LRRC71: variants seen among roughly 807,000 people sequenced by gnomAD.
The protein encoded by LRRC71 is leucine-rich repeat-containing protein 71.
Under a neutral mutation model 66.6 loss-of-function variants are expected in LRRC71, and 54 were observed. That is an observed-to-expected ratio of 0.81 (90% confidence interval 0.65 to 1.02). LRRC71 has a LOEUF of 1.02. Ranked by LOEUF, LRRC71 falls within the 50% of genes least tolerant of loss-of-function variation. The probability of loss-of-function intolerance (pLI) is 0.00; values close to 1 mark genes in which losing one functional copy is unlikely to be tolerated. For synonymous variants in LRRC71, 323 were observed against 303.9 expected (o/e 1.06, Z -0.65); for missense variants, 724 against 718.0 (o/e 1.01, Z -0.10).
At chr1:156,923,460 T>C (rs987535510) in intron 1 of LRRC71, among the ~76,000 whole-genome samples, 1 of 152,222 alleles carries the variant, frequency 6.6e-6, no homozygotes, top group Non-Finnish European at 1.5e-5. Flanking sequence ...ATAAACACAC[T>C]GGACAGGGGA....
the LRRC71 span, chr1:156,940,223 G>A: frequency 1.3e-5 from 21 of 1,589,378 alleles, no homozygotes; most frequent in Non-Finnish European, 1.6e-5. Flanking sequence ...CCAGAGCGGA[G>A]TCAGCGAGCC....
At position 156,930,503 on chromosome 1, in the gene LRRC71, C is replaced by T. The variant is rs373855524; in HGVS notation, c.1241-26C>T. The T allele has an allele frequency of 6.7e-5, 103 of 1,541,910 alleles. No individual in the cohort carries two copies. The South Asian group carries it at 1.0e-3, about 16-fold the overall frequency. ...GGTGGTATCAGAAGTGTGCACTGTG[C>T]ATTCTGGCTCCTCTTCTGGCCCCAG... On this transcript the variant is annotated intron_variant, in intron 11 of 14. Transcript: ENST00000337428.
rs1169882147 is a variant in LRRC71 at position 156,927,809 on chromosome 1, T to C, written c.899T>C (p.Leu300Pro). The C allele has an allele frequency of 1.2e-6, 2 of 1,613,356 alleles. No homozygotes were observed. The highest frequency in any genetic ancestry group is 1.7e-6 in the Non-Finnish European group (2 of 1,179,724). ...ATCCAGGACAAGGGCGCCCTGAAGC[T>C]GGCTGAGGTGGGTGTGCCGATCAGG... The part of the protein sequence containing the change: ...NRIQDKGALK[L>P]AEVLRAFELT... Residue 300 changes from leucine to proline, a missense_variant, in exon 8 of 15, where the codon CTG becomes CCG. Coordinates refer to ENST00000337428, the MANE Select transcript of LRRC71 (RefSeq NM_144702.3).
At chr1:156,940,040 C>T in the LRRC71 span, 4 of 1,468,386 alleles carry the variant, frequency 2.7e-6, no homozygotes, top group Non-Finnish European at 3.6e-6. Flanking sequence ...CTCTGGCCAA[C>T]TAGCTGGTGG....
chr1:156,929,187 T>A, intron 9 of LRRC71, 93 bp from the exon 10 acceptor site: 1 of 1,451,218 alleles, frequency 6.9e-7, no homozygotes, highest in African/African-American at 1.4e-5. Context: ...TCAGCTCGAC[T>A]GCTCCCCAAG....
chr1:156,928,491 C>T lies in LRRC71; in HGVS notation c.996+487C>T, dbSNP rs538222849. Among the ~76,000 whole-genome samples, 181 of 137,992 alleles carry T rather than the reference C, an allele frequency of 1.3e-3. 1 individual carries two copies. The highest frequency in any genetic ancestry group is 4.5e-3 in the African/African-American group (153 of 34,278). The allele number at this position is 137,992 out of a possible 152,430, so 90.5% of individuals were successfully genotyped here. ...TCTCTTCTTCCTCTTCCTCCTCCTC[C>T]TCTTCTTCCTCCTCCTCCTCCTCTT... On this transcript the variant is annotated intron_variant, in intron 9 of 14. Transcript: ENST00000337428.
downstream of LRRC71, among the ~76,000 whole-genome samples, chr1:156,936,497 A>ATATAT (rs1553192805): frequency 0.039 from 1,329 of 33,678 alleles, 34 homozygotes; most frequent in East Asian, 0.054. Flanking sequence ...AAAAAAAAAA[A>ATATAT]ATATATATAT....
At chr1:156,930,504 A>G in intron 11 of LRRC71, 25 bp from the exon 12 acceptor site, 1 of 1,546,700 alleles carries the variant, frequency 6.5e-7, no homozygotes, top group Non-Finnish European at 8.8e-7. Flanking sequence ...TGCACTGTGC[A>G]TTCTGGCTCC....
At chr1:156,937,555 C>T (rs939340852), downstream of LRRC71, 2 of 1,490,466 alleles carry the variant, frequency 1.3e-6, no homozygotes, top group African/African-American at 1.4e-5. Context: ...AAGCTATCCT[C>T]CCGTTCCTGT....
the LRRC71 span, chr1:156,939,922 A>G: frequency 6.3e-7 from 1 of 1,599,292 alleles, no homozygotes; most frequent in Admixed American, 1.7e-5. Context: ...TGGAGGGGAA[A>G]CAGGGTGATG....
Position 156,927,194 on chromosome 1 carries a change from G to A in LRRC71, c.594-8G>A. On this transcript the variant is annotated splice_region_variant and splice_polypyrimidine_tract_variant and intron_variant, in intron 5 of 14. Transcript: ENST00000337428. ...ACCTTCTGGTTCTCAGATCTCCCCT[G>A]CCCTCAGGAAGGTGTCTCTGGAGGG... The A allele has an allele frequency of 6.2e-7, 1 of 1,610,018 alleles. No homozygotes were observed. Among genetic ancestry groups the A allele is most frequent in the Non-Finnish European group, 8.5e-7 (1 of 1,178,236 alleles).
chr1:156,924,843 G>A, intron 4 of LRRC71, 95 bp from the exon 5 acceptor site: 1 of 1,505,902 alleles, frequency 6.6e-7, no homozygotes. Flanking sequence ...GGTGGGGGAT[G>A]AGGAAGGGCA....
At chr1:156,939,215 A>G in the LRRC71 span, 1 of 324,576 alleles carries the variant, frequency 3.1e-6, no homozygotes, top group South Asian at 3.0e-5. Flanking sequence ...ACAGGAGATC[A>G]GTGAGGAGCA....
At chr1:156,938,041 GCT>G (rs889081092), downstream of LRRC71, among the ~76,000 whole-genome samples, 3 of 152,214 alleles carry the variant, frequency 2.0e-5, no homozygotes, top group Admixed American at 2.0e-4. Flanking sequence ...AATCTGGGAG[GCT>G]CTTTCAGCCG....
chr1:156,940,483 A>C, the LRRC71 span: 1 of 1,504,868 alleles, frequency 6.6e-7, no homozygotes, highest in African/African-American at 1.4e-5. Context: ...CGTATGGGAG[A>C]GCCTATGGGC....
rs1020076583 is a variant in LRRC71 at position 156,925,009 on chromosome 1, C to T, written c.587C>T (p.Thr196Met). The change falls in exon 5 of 15, where the codon ACG becomes ATG. Residue 196 changes from threonine to methionine, a missense_variant. Physicochemically the swap from Thr to Met is moderately conservative, Grantham distance 81 (BLOSUM62 -1). Coordinates refer to ENST00000337428, the MANE Select transcript of LRRC71 (RefSeq NM_144702.3). ...FIELLPLCSS[T>M]LRKVSLEGNP... is the part of the protein sequence containing the mutation. ...GAGCTCCTGCCTCTCTGTTCATCCA[C>T]GCTCAGGTCAGCAGACTGGGAGGCC... The T allele has an allele frequency of 7.7e-6, 12 of 1,551,620 alleles. No homozygotes were observed. In the African/African-American group the frequency reaches 8.2e-5, roughly 11 times the overall value.
At chr1:156,929,101 G>A (rs142800106) in intron 9 of LRRC71, among the ~76,000 whole-genome samples, 179 bp from the exon 10 acceptor site, 4 of 152,024 alleles carry the variant, frequency 2.6e-5, no homozygotes, top group East Asian at 1.9e-4. Context: ...ATTTCTTCCC[G>A]AAAGCATCTC....
Position 156,932,547 on chromosome 1 carries a change from T to C in LRRC71, c.1563+2T>C. 6.2e-7 allele frequency: 1 copy of C among 1,613,418 alleles called. No individual in the cohort carries two copies. The highest frequency in any genetic ancestry group is 8.5e-7 in the Non-Finnish European group (1 of 1,179,352). On this transcript the variant is annotated splice_donor_variant, in intron 14 of 14. Transcript: ENST00000337428. LOFTEE classifies it high-confidence loss of function. ...GGGCTGCTGTGGCTGTCCCTGGCTG[T>C]GAGTCCCTTTCACTCTCTCCTGCTG...
chr1:156,934,648 G>A (rs1388732877), downstream of LRRC71, among the ~76,000 whole-genome samples: 3 of 151,904 alleles, frequency 2.0e-5, no homozygotes, highest in Admixed American at 2.0e-4. Flanking sequence ...CATGGGGGTT[G>A]TACAACTTAA....
Sources: allele counts gnomAD v4.1 joint callset (sites outside exome capture counted in the v4.1 genomes callset), GRCh38; gene constraint gnomAD v4.1.1; transcripts MANE v1.5; gene names NCBI Gene and HGNC (gene_info 2026-07-23, HGNC 2026-07-21).